Variants in MYPN observed in about 807,000 individuals in gnomAD.
MYPN encodes the protein myopalladin.
A neutral mutation model predicts 129.4 loss-of-function variants in MYPN; 63 were observed. That is an observed-to-expected ratio of 0.49 (90% CI 0.40 to 0.60). The LOEUF (loss-of-function observed/expected upper bound fraction) is 0.60. MYPN is among the 20% of genes least tolerant of loss of function. The pLI, the probability that MYPN is intolerant of heterozygous loss-of-function variation, is 0.00. For synonymous variants in MYPN, 629 were observed against 600.9 expected (o/e 1.05, Z -0.68); for missense variants, 1,596 against 1,635.4 (o/e 0.98, Z 0.42).
upstream of MYPN, chr10:68,109,336 G>C: frequency 3.2e-6 from 1 of 309,988 alleles, no homozygotes; most frequent in East Asian, 7.6e-5. Context: ...CTAGCTATAA[G>C]GGAAATTCTA....
At chr10:68,149,432 G>T (rs138368477) in intron 5 of MYPN, among the ~76,000 whole-genome samples, 49 of 151,138 alleles carry the variant, frequency 3.2e-4, no homozygotes, top group Non-Finnish European at 6.3e-4. Flanking sequence ...TGTTATTGAT[G>T]TATTTCTTTT....
At chr10:68,209,279 A>T (rs2134350765) in intron 19 of MYPN, among the ~76,000 whole-genome samples, 1 of 152,266 alleles carries the variant, frequency 6.6e-6, no homozygotes, top group South Asian at 2.1e-4. Context: ...CCATGTTCAA[A>T]CCTTAAAGTC....
chr10:68,117,944 T>G (rs140657776), intron 1 of MYPN, among the ~76,000 whole-genome samples: 24 of 152,190 alleles, frequency 1.6e-4, no homozygotes, highest in African/African-American at 5.3e-4. Flanking sequence ...GTTTAAACTT[T>G]CCCAAGTTTA....
At chr10:68,134,857 T>C (rs1175009733) in intron 2 of MYPN, among the ~76,000 whole-genome samples, 3 of 152,146 alleles carry the variant, frequency 2.0e-5, no homozygotes, top group South Asian at 2.1e-4. Context: ...GGGGTGGTAT[T>C]GATGTCTTGG....
At chr10:68,089,233 C>T (rs1393361335) in intron 1 of MYPN, among the ~76,000 whole-genome samples, 4 of 151,992 alleles carry the variant, frequency 2.6e-5, no homozygotes, top group African/African-American at 9.7e-5. Context: ...GGTTTTGCCA[C>T]GTTGGCCAGG....
At chr10:68,100,461 G>A (rs930653893) in intron 1 of MYPN, among the ~76,000 whole-genome samples, 13 of 152,132 alleles carry the variant, frequency 8.5e-5, no homozygotes, top group Non-Finnish European at 1.8e-4. Context: ...CAAAACCAGC[G>A]CATGAGAATG....
chr10:68,210,447 G>T lies in MYPN; in HGVS notation c.3955G>T (p.Glu1319Ter), dbSNP rs780644738. ...TTCTCGGAGTGTAGTGGAGAGTGAT[G>T]AACTTTAAGAATGTCTAGGTACCTG... Reference protein sequence around the residue: ...CSSRSVVESDEL With the variant: ...CSSRSVVESD Residue 1319 changes from glutamate to a stop codon, truncating the protein, a stop_gained, in exon 20 of 20, where the codon GAA (glutamate) becomes TAA (stop). Transcript: ENST00000358913. LOFTEE classifies it high-confidence loss of function. 2 of 1,614,096 alleles carry T rather than the reference G, an allele frequency of 1.2e-6. No individual in the cohort carries two copies. The highest frequency in any genetic ancestry group is 1.7e-6 in the Non-Finnish European group (2 of 1,180,004).
At chr10:68,148,582 G>C in intron 5 of MYPN, 115 bp downstream of exon 5, 1 of 811,030 alleles carries the variant, frequency 1.2e-6, no homozygotes, top group Non-Finnish European at 2.2e-6. Context: ...CCATCATCAG[G>C]ATAATCACCT....
Position 68,122,842 on chromosome 10 carries a change from C to T in MYPN, c.902+502C>T, listed in dbSNP as rs376010519. Among the ~76,000 whole-genome samples the T allele has an allele frequency of 4.3e-4, 65 of 152,076 alleles. No individual in the cohort carries two copies. In the East Asian group the frequency reaches 6.8e-3, roughly 16 times the overall value. On this transcript the variant is annotated intron_variant, in intron 2 of 19. Coordinates refer to ENST00000358913, the MANE Select transcript of MYPN (RefSeq NM_032578.4). ...GCTTGAACCCGGGAGACGGAGGTTG[C>T]GGTGAGCCGAGATCGCGCCACTGCT...
intron 11 of MYPN, 89 bp from the exon 12 acceptor site, chr10:68,175,234 G>T: frequency 7.0e-7 from 1 of 1,421,280 alleles, no homozygotes; most frequent in East Asian, 2.3e-5. Context: ...GCTGGTTTCT[G>T]GTTGTCATTT....
In MYPN at chr10:68,174,601, C is replaced by T. The variant is rs990576540; in HGVS notation, c.2509C>T (p.Leu837Phe). 1 of 1,614,204 alleles carries T rather than the reference C, an allele frequency of 6.2e-7. No individual in the cohort carries two copies. The highest frequency in any genetic ancestry group is 1.7e-5 in the Admixed American group (1 of 60,020). ...TTTCCTCAGCTCTGTTCTGCCTTCT[C>T]TCCCTGCCATCCCACCCACAAATGC... Reference protein sequence around the residue: ...VAFLSSVLPSLPAIPPTNAMG... With the variant: ...VAFLSSVLPSFPAIPPTNAMG... The change falls in exon 11 of 20, where the codon CTC becomes TTC. Residue 837 changes from leucine to phenylalanine, a missense_variant. By Grantham distance (22) the Leu-to-Phe change is conservative. Coordinates refer to ENST00000358913, the MANE Select transcript of MYPN (RefSeq NM_032578.4).
intron 10 of MYPN, 63 bp from the exon 11 acceptor site, chr10:68,174,003 T>C (rs543639947): frequency 1.5e-6 from 2 of 1,312,198 alleles, no homozygotes; most frequent in African/African-American, 2.9e-5. Context: ...TGAACATTGT[T>C]TGAAAGGTGA....
intron 18 of MYPN, among the ~76,000 whole-genome samples, chr10:68,203,960 T>G (rs977055732): frequency 1.3e-5 from 2 of 152,168 alleles, no homozygotes; most frequent in Admixed American, 1.3e-4. Flanking sequence ...CTTTGGGAAC[T>G]CTCTTCGCCT....
chr10:68,169,724 G>A (rs1018382278), intron 10 of MYPN, among the ~76,000 whole-genome samples: 3 of 151,378 alleles, frequency 2.0e-5, no homozygotes, highest in South Asian at 2.1e-4. Context: ...AAGGGACAAT[G>A]GGCAGAAGTC....
Position 68,175,416 on chromosome 10 carries a change from C to G in MYPN, c.2658C>G (p.Asp886Glu). Residue 886 changes from aspartate (D) to glutamate (E), a missense_variant, in exon 12 of 20, where the codon GAC (aspartate) becomes GAG (glutamate). Transcript: ENST00000358913. Reference protein sequence around the residue: ...IRETKNAVIRDLGKKITFSDV... With the variant: ...IRETKNAVIRELGKKITFSDV... ...AAACTAAGAACGCAGTGATTCGAGACTTGGGGAAAAAAATAACTTTCAGTG... is the reference window on the plus strand; with the variant it reads ...AAACTAAGAACGCAGTGATTCGAGAGTTGGGGAAAAAAATAACTTTCAGTG... 6.2e-7 allele frequency: 1 copy of G among 1,614,076 alleles called. No homozygotes were observed. Among genetic ancestry groups the G allele is most frequent in the Non-Finnish European group, 8.5e-7 (1 of 1,179,978 alleles).
At chr10:68,124,654 T>G (rs1164349738) in intron 2 of MYPN, among the ~76,000 whole-genome samples, 1 of 152,206 alleles carries the variant, frequency 6.6e-6, no homozygotes, top group Non-Finnish European at 1.5e-5. Flanking sequence ...ATTCTGTTGT[T>G]TTTACCTTTG....
chr10:68,157,676 A>G, intron 6 of MYPN, among the ~76,000 whole-genome samples: 1 of 150,022 alleles, frequency 6.7e-6, no homozygotes, highest in East Asian at 2.0e-4. Flanking sequence ...TCTACAAAAA[A>G]AAAAAAAAAA....
At position 68,210,433 on chromosome 10, in the gene MYPN, T is replaced by C. The variant is rs762754888; in HGVS notation, c.3941T>C (p.Val1314Ala). Residue 1314 changes from valine to alanine, a missense_variant, in exon 20 of 20, where the codon GTA becomes GCA. Val to Ala is a moderately conservative substitution (Grantham distance 64). Transcript: ENST00000358913. ...GTGTATTCATGCTCTTCTCGGAGTG[T>C]AGTGGAGAGTGATGAACTTTAAGAA... The part of the protein sequence containing the change: ...TMVYSCSSRS[V>A]VESDEL 6.2e-6 allele frequency: 10 copies of C among 1,613,988 alleles called. No individual in the cohort carries two copies. Among genetic ancestry groups the C allele is most frequent in the Admixed American group, 1.7e-5 (1 of 60,002 alleles).
intron 5 of MYPN, among the ~76,000 whole-genome samples, chr10:68,148,681 C>T (rs944598841): frequency 1.4e-4 from 22 of 152,156 alleles, no homozygotes; most frequent in South Asian, 4.1e-4. Flanking sequence ...GGAGAAGAAA[C>T]GCTTTACAAA....
Sources: gnomAD v4.1 joint callset for allele counts (sites outside exome capture counted in the v4.1 genomes callset) on GRCh38, gnomAD v4.1.1 for gene constraint, MANE v1.5 for transcripts, NCBI Gene and HGNC (gene_info 2026-07-23, HGNC 2026-07-21) for gene names.